Variants in SPRED2 observed in about 807,000 individuals in gnomAD.
The protein encoded by SPRED2 is sprouty-related, EVH1 domain-containing protein 2.
SPRED2 carries 47 observed loss-of-function variants against 43.0 expected under a neutral mutation model. The ratio of observed to expected loss-of-function variants is 1.09; its 90% confidence interval spans 0.87 to 1.40. The LOEUF (loss-of-function observed/expected upper bound fraction) is 1.40, where lower values mean the gene tolerates loss of function less well. SPRED2 is among the 40% of genes most tolerant of loss of function. The probability of loss-of-function intolerance (pLI) is 0.00; values close to 1 mark genes in which losing one functional copy is unlikely to be tolerated. For missense variants in SPRED2, 561 were observed against 586.4 expected, an observed-to-expected ratio of 0.96 and a Z score of 0.45; for synonymous variants, 225 against 225.7, an observed-to-expected ratio of 1.00 and a Z score of 0.03.
At chr2:65,355,936 C>T (rs1004433676) in intron 1 of SPRED2, among the ~76,000 whole-genome samples, 1 of 152,112 alleles carries the variant, frequency 6.6e-6, no homozygotes, top group Non-Finnish European at 1.5e-5. Context: ...CCCCAAAGGC[C>T]AGCTAATGGA....
chr2:65,400,449 G>A (rs1675859951), intron 1 of SPRED2, among the ~76,000 whole-genome samples: 1 of 152,188 alleles, frequency 6.6e-6, no homozygotes, highest in Non-Finnish European at 1.5e-5. Context: ...AGGATCAAAA[G>A]CATTTTTGCT....
At chr2:65,419,577 TTGTGTGTGTGTGTG>T (rs10541896) in intron 1 of SPRED2, among the ~76,000 whole-genome samples, 65,276 of 148,812 alleles carry the variant, frequency 0.44, 14,318 homozygotes, top group Middle Eastern at 0.53. Flanking sequence ...GGGATTATAG[TTGTGTGTGTGTGTG>T]TGTGTGTGTG....
chr2:65,353,702 T>C (rs1674571968), intron 1 of SPRED2, among the ~76,000 whole-genome samples: 2 of 152,198 alleles, frequency 1.3e-5, no homozygotes, highest in South Asian at 4.1e-4. Context: ...ATACTTTCCT[T>C]TAAACCTCAG....
At chr2:65,309,256 C>T (rs187846914), downstream of SPRED2, among the ~76,000 whole-genome samples, 446 of 151,690 alleles carry the variant, frequency 2.9e-3, 4 homozygotes, top group African/African-American at 0.01. Flanking sequence ...AATCCTAGCA[C>T]TTTGGGAGGC....
chr2:65,325,996 T>C (rs1673602738), intron 4 of SPRED2, among the ~76,000 whole-genome samples: 1 of 151,268 alleles, frequency 6.6e-6, no homozygotes, highest in Non-Finnish European at 1.5e-5. Context: ...AAAAAAAAAG[T>C]TACAGGATTA....
chr2:65,378,918 T>C (rs1675307418), intron 1 of SPRED2, among the ~76,000 whole-genome samples: 1 of 152,148 alleles, frequency 6.6e-6, no homozygotes, highest in Non-Finnish European at 1.5e-5. Flanking sequence ...AACATACCAG[T>C]TCAGGAAGAT....
chr2:65,376,775 C>T (rs576951878), intron 1 of SPRED2, among the ~76,000 whole-genome samples: 7 of 152,138 alleles, frequency 4.6e-5, no homozygotes, highest in African/African-American at 7.2e-5. Context: ...AGTGCAGTGG[C>T]GCAATCTCGG....
intron 1 of SPRED2, among the ~76,000 whole-genome samples, chr2:65,417,408 A>G (rs1435799795): frequency 6.6e-6 from 1 of 152,130 alleles, no homozygotes; most frequent in Non-Finnish European, 1.5e-5. Flanking sequence ...TGGAACACAG[A>G]CATGCGGAAA....
chr2:65,372,968 C>G (rs1349077537), intron 1 of SPRED2, among the ~76,000 whole-genome samples: 1 of 152,204 alleles, frequency 6.6e-6, no homozygotes, highest in Admixed American at 6.5e-5. Context: ...AAAAACTTAT[C>G]CAAGACAGCT....
At chr2:65,365,995 G>A (rs948953976) in intron 1 of SPRED2, among the ~76,000 whole-genome samples, 2 of 151,788 alleles carry the variant, frequency 1.3e-5, no homozygotes, top group Non-Finnish European at 2.9e-5. Context: ...AAAAGTTAAT[G>A]CATGAATTCA....
rs1490204181 is a variant in SPRED2, at chr2:65,322,292, A to ATTTTTTT, written c.439-5410_439-5409insAAAAAAA. 3.4e-4 allele frequency among the ~76,000 whole-genome samples: 24 copies of ATTTTTTT among 70,822 alleles called. 3 individuals carry two copies. Among genetic ancestry groups the ATTTTTTT allele is most frequent in the African/African-American group, 1.7e-3 (23 of 13,884 alleles). 46.5% of individuals were successfully genotyped at this position (70,822 alleles called of 152,430 possible). ...TCTCTATATATATATATATATATAT[A>ATTTTTTT]TATTTTTTTTTTTTTTTTTGAGACG... is the stretch of plus-strand genomic sequence containing the variant. On this transcript the variant is annotated intron_variant, in intron 4 of 5. Transcript: ENST00000356388.
At chr2:65,321,897 C>G (rs1432871442) in intron 4 of SPRED2, among the ~76,000 whole-genome samples, 1 of 152,032 alleles carries the variant, frequency 6.6e-6, no homozygotes, top group Admixed American at 6.6e-5. Flanking sequence ...CTCAGCCTCC[C>G]GAGTGGCTGG....
intron 1 of SPRED2, among the ~76,000 whole-genome samples, chr2:65,395,259 A>C (rs1179417597): frequency 2.0e-5 from 3 of 152,152 alleles, no homozygotes; most frequent in African/African-American, 2.4e-5. Context: ...TTTGTCTATC[A>C]CTAGGTCCAG....
At chr2:65,411,613 C>T (rs1051891282) in intron 1 of SPRED2, among the ~76,000 whole-genome samples, 5 of 152,176 alleles carry the variant, frequency 3.3e-5, no homozygotes, top group African/African-American at 1.2e-4. Flanking sequence ...TGGCTTCTAT[C>T]TTAGTGTTAA....
chr2:65,399,609 C>G (rs926928243), intron 1 of SPRED2, among the ~76,000 whole-genome samples: 1 of 152,032 alleles, frequency 6.6e-6, no homozygotes, highest in African/African-American at 2.4e-5. Flanking sequence ...TCTCGAACTC[C>G]TGAGTTTGTG....
chr2:65,327,816 C>T (rs1200555317), intron 4 of SPRED2, among the ~76,000 whole-genome samples: 12 of 144,886 alleles, frequency 8.3e-5, no homozygotes, highest in Non-Finnish European at 1.3e-4. Flanking sequence ...CTCCGCCTTC[C>T]AGGTTCAAGC....
chr2:65,359,950 A>G, intron 1 of SPRED2, among the ~76,000 whole-genome samples: 1 of 151,920 alleles, frequency 6.6e-6, no homozygotes, highest in African/African-American at 2.4e-5. Flanking sequence ...CTGTAGTCCC[A>G]GCTACTCGGG....
At chr2:65,368,740 C>T (rs1675046075) in intron 1 of SPRED2, among the ~76,000 whole-genome samples, 1 of 152,140 alleles carries the variant, frequency 6.6e-6, no homozygotes, top group Admixed American at 6.5e-5. Context: ...CTTAAACATT[C>T]ACAAACACAC....
intron 2 of SPRED2, among the ~76,000 whole-genome samples, chr2:65,337,527 T>A (rs1034450305): frequency 6.6e-6 from 1 of 152,198 alleles, no homozygotes; most frequent in African/African-American, 2.4e-5. Context: ...CTCTGTCGAG[T>A]TCCCCACTGT....
Sources: allele counts gnomAD v4.1 joint callset (sites outside exome capture counted in the v4.1 genomes callset), GRCh38; gene constraint gnomAD v4.1.1; transcripts MANE v1.5; gene names NCBI Gene and HGNC (gene_info 2026-07-23, HGNC 2026-07-21).